The following SYTL5 variants were observed in gnomAD, a reference collection of about 807,000 sequenced individuals.
SYTL5 encodes synaptotagmin like 5.
Under a neutral mutation model 55.9 loss-of-function variants are expected in SYTL5, and 34 were observed. The observed-to-expected ratio is 0.61, with a 90% CI of 0.46 to 0.81. The LOEUF is 0.81. SYTL5 is among the 30% of genes least tolerant of loss of function. The pLI is 0.00. For synonymous variants in SYTL5, 221 were observed against 188.7 expected (o/e 1.17, Z -1.40); for missense variants, 637 against 546.7 (o/e 1.17, Z -1.65).
At chrX:38,100,879 C>T in intron 9 of SYTL5, among the ~76,000 whole-genome samples, 1 of 110,831 alleles carries the variant, frequency 9.0e-6, no homozygotes, top group Non-Finnish European at 1.9e-5. Context: ...CGCCAGGATA[C>T]ATATTCACAG....
At chrX:37,974,460 G>A in the SYTL5 span, among the ~76,000 whole-genome samples, 15 of 111,920 alleles carry the variant, frequency 1.3e-4, no homozygotes, top group African/African-American at 4.9e-4. Context: ...TTTGGGTAGT[G>A]AGCTTCCTTT....
the SYTL5 span, among the ~76,000 whole-genome samples, chrX:37,903,505 A>T: frequency 2.1e-5 from 2 of 97,086 alleles, no homozygotes; most frequent in African/African-American, 7.6e-5. Context: ...AACAATGAGA[A>T]CACATGGACA....
the SYTL5 span, among the ~76,000 whole-genome samples, chrX:37,939,273 A>T: frequency 9.0e-6 from 1 of 111,224 alleles, no homozygotes; most frequent in African/African-American, 3.3e-5. Flanking sequence ...AAAAAAGAAA[A>T]AAAAAGAAAA....
At chrX:37,950,055 G>A in the SYTL5 span, among the ~76,000 whole-genome samples, 5 of 111,549 alleles carry the variant, frequency 4.5e-5, no homozygotes, top group Middle Eastern at 4.7e-3. Flanking sequence ...GCCCTTTTCC[G>A]TATTTTATGA....
chrX:38,125,653 G>T, intron 16 of SYTL5, 147 bp downstream of exon 16: 1 of 457,819 alleles, frequency 2.2e-6, no homozygotes, highest in Non-Finnish European at 3.8e-6. Context: ...CTTTAGCTAA[G>T]GATCTATTCA....
chrX:37,965,559 C>T, the SYTL5 span, among the ~76,000 whole-genome samples: 1 of 111,323 alleles, frequency 9.0e-6, no homozygotes, highest in Admixed American at 9.5e-5. Flanking sequence ...TCTCTGTGTG[C>T]TTTAGAAGAA....
At chrX:38,016,786 C>G (rs1414943906) in intron 1 of SYTL5, among the ~76,000 whole-genome samples, 1 of 112,030 alleles carries the variant, frequency 8.9e-6, no homozygotes, top group Non-Finnish European at 1.9e-5. Context: ...GGTGTTTGTT[C>G]AGAACATTGA....
intron 9 of SYTL5, among the ~76,000 whole-genome samples, chrX:38,101,408 TA>T (rs1362816334): frequency 9.0e-5 from 10 of 111,277 alleles, no homozygotes; most frequent in Non-Finnish European, 1.9e-4. Flanking sequence ...TCCTGATTTA[TA>T]AAACTATAGT....
the SYTL5 span, among the ~76,000 whole-genome samples, chrX:37,904,947 A>T: frequency 6.3e-5 from 7 of 111,034 alleles, no homozygotes; most frequent in Admixed American, 5.7e-4. Context: ...CAGTTTTGAT[A>T]TGGTGAAGGC....
intron 1 of SYTL5, among the ~76,000 whole-genome samples, chrX:38,014,240 G>A (rs1233167382): frequency 8.9e-6 from 1 of 111,978 alleles, no homozygotes; most frequent in Non-Finnish European, 1.9e-5. Context: ...ATTGTTGTGT[G>A]TGTACATATA....
Position 38,125,475 on chromosome X carries a change from T to A in SYTL5, c.2019T>A (p.Phe673Leu). 8.3e-7 allele frequency: 1 copy of A among 1,211,559 alleles called. No homozygotes were observed. Among genetic ancestry groups the A allele is most frequent in the Non-Finnish European group, 1.1e-6 (1 of 895,200 alleles). Residue 673 changes from phenylalanine to leucine, a missense_variant, in exon 16 of 17, where the codon TTT (phenylalanine) becomes TTA (leucine). Transcript: ENST00000297875. ...AGGAGGCCTTTTCCAGCAACATCTT[T>A]CTGGGAGGAGTTCGTTTGAATTCTG... Reference protein sequence around the residue: ...WDKEAFSSNIFLGGVRLNSGS... With the variant: ...WDKEAFSSNILLGGVRLNSGS...
At position 38,128,770 on chromosome X, in the gene SYTL5, A is replaced by G. The variant is rs971125679; in HGVS notation, c.*2040A>G. The G allele has an allele frequency of 9.0e-6, 1 of 111,029 alleles. No individual in the cohort carries two copies. Among genetic ancestry groups the G allele is most frequent in the Non-Finnish European group, 1.9e-5 (1 of 52,997 alleles). The allele number at this position is 111,029 out of a possible 1,213,427, so 9.2% of individuals were successfully genotyped here. On this transcript the variant is annotated 3_prime_UTR_variant, in exon 17 of 17. Transcript: ENST00000297875. ...AGAAAACAAAAAGTGTAAGATCATC[A>G]TTGCTTCCCACATAGGAAAAATAAA...
rs150940538 is a variant in SYTL5 at position 38,062,543 on chromosome X, C to T, written c.329+8121C>T. 4.0e-3 allele frequency among the ~76,000 whole-genome samples: 446 copies of T among 111,232 alleles called. 1 individual carries two copies. Among genetic ancestry groups the T allele is most frequent in the Non-Finnish European group, 6.7e-3 (353 of 53,019 alleles). On this transcript the variant is annotated intron_variant, in intron 3 of 16. Transcript: ENST00000297875. ...TGGAACATACACAGAGTGCAGAAGA[C>T]GATGTATACACCTTTGTTATAAGAA...
At chrX:37,936,543 C>G in the SYTL5 span, among the ~76,000 whole-genome samples, 4 of 111,832 alleles carry the variant, frequency 3.6e-5, no homozygotes, top group African/African-American at 1.3e-4. Context: ...AGCCTGCCTT[C>G]CCCTAGAGGT....
intron 2 of SYTL5, among the ~76,000 whole-genome samples, chrX:38,052,421 T>TG (rs1935648689): frequency 8.9e-6 from 1 of 111,950 alleles, no homozygotes; most frequent in African/African-American, 3.2e-5. Flanking sequence ...TATAAGTGCT[T>TG]GTTGGATGAA....
At chrX:38,065,032 C>T (rs868473692) in intron 3 of SYTL5, among the ~76,000 whole-genome samples, 3 of 110,889 alleles carry the variant, frequency 2.7e-5, no homozygotes, top group African/African-American at 9.8e-5. Context: ...CCATGTTATC[C>T]TTTCTACTGG....
chrX:37,889,574 G>C, the SYTL5 span, among the ~76,000 whole-genome samples: 2 of 111,687 alleles, frequency 1.8e-5, no homozygotes, highest in African/African-American at 6.5e-5. Flanking sequence ...CTGGATGTGG[G>C]ATGGGCTTGA....
At chrX:37,917,020 T>C in the SYTL5 span, among the ~76,000 whole-genome samples, 1 of 111,960 alleles carries the variant, frequency 8.9e-6, no homozygotes, top group Non-Finnish European at 1.9e-5. Context: ...GTTGGACATT[T>C]CGTAGAAAGT....
intron 8 of SYTL5, among the ~76,000 whole-genome samples, chrX:38,094,885 A>T (rs754860207): frequency 9.0e-6 from 1 of 111,551 alleles, no homozygotes; most frequent in Non-Finnish European, 1.9e-5. Context: ...AGTATTAATA[A>T]TTACCCCTTT....
Sources: gnomAD v4.1 joint callset for allele counts (sites outside exome capture counted in the v4.1 genomes callset) on GRCh38, gnomAD v4.1.1 for gene constraint, MANE v1.5 for transcripts, NCBI Gene and HGNC (gene_info 2026-07-23, HGNC 2026-07-21) for gene names.